The following KLC4 variants were observed in gnomAD, a reference collection of about 807,000 sequenced individuals.
KLC4 encodes the protein kinesin light chain 4.
A neutral mutation model predicts 77.2 loss-of-function variants in KLC4; 49 were observed. That is an observed-to-expected ratio of 0.63 (90% CI 0.50 to 0.80). The LOEUF is 0.80. KLC4 is among the 30% of genes least tolerant of loss of function. The probability of loss-of-function intolerance (pLI) is 0.00; values close to 1 mark genes in which losing one functional copy is unlikely to be tolerated. For synonymous variants in KLC4, 274 were observed against 314.5 expected (o/e 0.87, Z 1.36); for missense variants, 669 against 793.5 (o/e 0.84, Z 1.89).
Position 43,071,511 on chromosome 6 carries a change from C to G in KLC4, c.1256-56C>G, listed in dbSNP as rs918901258. 6 of 1,593,218 alleles carry G rather than the reference C, an allele frequency of 3.8e-6. No individual in the cohort carries two copies. In the East Asian group the frequency reaches 1.1e-4, roughly 30 times the overall value. On this transcript the variant is annotated intron_variant, in intron 9 of 15. Coordinates refer to ENST00000347162, the MANE Select transcript of KLC4 (RefSeq NM_201521.3). ...GCCTGTCAGCCTCTGGGTCCTGGCT[C>G]TCCGACACTGTCTAGCTCCCATCTC...
In KLC4 at chr6:43,063,140, A is replaced by T. The variant is rs1321197252; in HGVS notation, c.482A>T (p.His161Leu). ...CTGCGGCAGTATGATGAGGATGGAC[A>T]TACCTCGGTGAGTGTGCACAGGCGA... The part of the protein sequence containing the change: ...GQLRQYDEDG[H>L]TSEEKEGDAT... Residue 161 changes from histidine (H) to leucine (L), a missense_variant, in exon 3 of 16, where the codon CAT becomes CTT. By Grantham distance (99) the His-to-Leu change is moderately conservative (BLOSUM62 -3). Transcript: ENST00000347162. The T allele has an allele frequency of 5.0e-6, 8 of 1,612,080 alleles. No homozygotes were observed. Among genetic ancestry groups the T allele is most frequent in the Admixed American group, 1.7e-5 (1 of 59,970 alleles).
At chr6:43,074,017 A>G in intron 15 of KLC4, 52 bp downstream of exon 15, 1 of 1,421,364 alleles carries the variant, frequency 7.0e-7, no homozygotes, top group Non-Finnish European at 9.7e-7. Flanking sequence ...AAGGACAGCC[A>G]GTGAGCAAGC....
At chr6:43,070,930 G>GGGGGCAGGGGGGGGGGGGGGGGGGA (rs1765691382) in intron 8 of KLC4, 65 bp downstream of exon 8, 1 of 470,940 alleles carries the variant, frequency 2.1e-6, no homozygotes, top group African/African-American at 2.2e-5. Context: ...GGGGGGAGGG[G>GGGGGCAGGGGGGGGGGGGGGGGGGA]GGGCAGGCGG....
At chr6:43,070,112 GAA>G (rs1296761991) in intron 6 of KLC4, among the ~76,000 whole-genome samples, 1 of 94,918 alleles carries the variant, frequency 1.1e-5, no homozygotes, top group Non-Finnish European at 1.8e-5. Context: ...AAAAAAAAAA[GAA>G]AGAAAAAAAA....
intron 13 of KLC4, 64 bp from the exon 14 acceptor site, chr6:43,073,159 G>T: frequency 7.0e-7 from 1 of 1,430,160 alleles, no homozygotes; most frequent in Non-Finnish European, 9.8e-7. Flanking sequence ...AATGCTAGGA[G>T]TAGACTCAGA....
intron 5 of KLC4, 63 bp from the exon 6 acceptor site, chr6:43,066,933 G>C (rs1765462080): frequency 6.4e-7 from 1 of 1,571,444 alleles, no homozygotes. Context: ...CTTCCAAAGG[G>C]AAGGAGGGAA....
rs1299292559 is a variant in KLC4 at position 43,073,300 on chromosome 6, G to T, written c.1707G>T (p.Leu569Phe). Reference protein sequence around the residue: ...RDVLRRSSELLVRKLQGTEPR... With the variant: ...RDVLRRSSELFVRKLQGTEPR... ...TGCTCCGCAGAAGCAGTGAACTCTT[G>T]GTGAGGAAGCTCCAGGGGACTGAGC... Residue 569 changes from leucine (L) to phenylalanine (F), a missense_variant, in exon 14 of 16, where the codon TTG (leucine) becomes TTT (phenylalanine). By Grantham distance (22) the Leu-to-Phe change is conservative. Transcript: ENST00000347162. 48 of 1,614,038 alleles carry T rather than the reference G, an allele frequency of 3.0e-5. No homozygotes were observed. The highest frequency in any genetic ancestry group is 4.0e-5 in the Non-Finnish European group (47 of 1,179,986).
At chr6:43,062,687 T>C (rs556203278) in intron 2 of KLC4, 1 of 566,682 alleles carries the variant, frequency 1.8e-6, no homozygotes, top group Admixed American at 3.1e-5. Flanking sequence ...GAGGAAGTTA[T>C]TGTAATAATT....
At chr6:43,062,072 T>C (rs1765192341) in intron 2 of KLC4, among the ~76,000 whole-genome samples, 1 of 152,156 alleles carries the variant, frequency 6.6e-6, no homozygotes. Flanking sequence ...GAGCAGCAAG[T>C]GCAGAGGCTC....
chr6:43,062,595 A>G (rs763138295), intron 2 of KLC4: 8 of 357,798 alleles, frequency 2.2e-5, no homozygotes, highest in Non-Finnish European at 4.2e-5. Context: ...TTAGAAGAGG[A>G]GTGATGTGGT....
At chr6:43,070,547 T>C (rs1259906999) in intron 7 of KLC4, 92 bp downstream of exon 7, 31 of 1,377,290 alleles carry the variant, frequency 2.3e-5, no homozygotes, top group Non-Finnish European at 2.8e-5. Context: ...ACTTTTTTTT[T>C]CTCACCCCCA....
At position 43,073,125 on chromosome 6, in the gene KLC4, G is replaced by T. The variant is rs878974328; in HGVS notation, c.1630-98G>T. 1.1e-5 allele frequency: 15 copies of T among 1,316,000 alleles called. No individual in the cohort carries two copies. In the South Asian group the frequency reaches 1.2e-4, roughly 10 times the overall value. The allele number at this position is 1,316,000 out of a possible 1,614,324, so 81.5% of individuals were successfully genotyped here. A position where few individuals can be genotyped will look rare whatever the true frequency, so the allele number is the denominator to read the frequency against. On this transcript the variant is annotated intron_variant, in intron 13 of 15. Coordinates refer to ENST00000347162, the MANE Select transcript of KLC4 (RefSeq NM_201521.3). ...TTTTATTTCCAGTCACTGGGCCTTG[G>T]GGGTGGGGGATGTGTGCAGAATAAA...
chr6:43,074,063 C>T (rs1310195846), intron 15 of KLC4, 98 bp downstream of exon 15: 2 of 915,188 alleles, frequency 2.2e-6, no homozygotes, highest in Admixed American at 4.9e-5. Context: ...GGAGAGGAGT[C>T]ATCTGGGATG....
Position 43,070,875 on chromosome 6 carries a change from G to A in KLC4, c.1155+10G>A. On this transcript the variant is annotated intron_variant, in intron 8 of 15. Transcript: ENST00000347162. ...GACCAAGAACAACCTGGTATGGGAG[G>A]AGGGACAAAGTAGGTGGAAGAAACG... 1 of 1,354,356 alleles carries A rather than the reference G, an allele frequency of 7.4e-7. No individual in the cohort carries two copies. The highest frequency in any genetic ancestry group is 9.8e-7 in the Non-Finnish European group (1 of 1,016,036). The allele number at this position is 1,354,356 out of a possible 1,614,324, so 83.9% of individuals were successfully genotyped here.
chr6:43,065,166 C>T (rs1242829779), intron 3 of KLC4, among the ~76,000 whole-genome samples: 4 of 152,056 alleles, frequency 2.6e-5, no homozygotes, highest in Non-Finnish European at 5.9e-5. Context: ...CCTCTGCCTC[C>T]CAGGTTCAAG....
rs532713463 is a variant in KLC4 at position 43,064,387 on chromosome 6, G to C, written c.490-1233G>C. Among the ~76,000 whole-genome samples the C allele has an allele frequency of 3.3e-5, 5 of 152,334 alleles. No individual in the cohort carries two copies. In the South Asian group the frequency reaches 6.2e-4, roughly 19 times the overall value. ...AAAAATTAAAAAATTAGCCTGATGT[G>C]GTCGTGTGCACCTATAGCCTCAGCT... On this transcript the variant is annotated intron_variant, in intron 3 of 15. Coordinates refer to ENST00000347162, the MANE Select transcript of KLC4 (RefSeq NM_201521.3).
intron 13 of KLC4, 113 bp downstream of exon 13, chr6:43,073,077 T>C: frequency 7.1e-7 from 1 of 1,418,402 alleles, no homozygotes; most frequent in Non-Finnish European, 9.6e-7. Flanking sequence ...GGGGTATCTC[T>C]GGGAGCCAGT....
At chr6:43,067,127 A>AC in intron 6 of KLC4, 44 bp downstream of exon 6, 2 of 904,928 alleles carry the variant, frequency 2.2e-6, no homozygotes, top group Non-Finnish European at 3.3e-6. Flanking sequence ...CGCACCCCCC[A>AC]CCATTGCTGT....
chr6:43,073,785 GGA>G (rs1765844936), intron 14 of KLC4, 115 bp from the exon 15 acceptor site: 3 of 845,420 alleles, frequency 3.5e-6, no homozygotes, highest in Non-Finnish European at 6.0e-6. Flanking sequence ...GGCCAGCCAT[GGA>G]GAGAGAGTTT....
Sources: gnomAD v4.1 joint callset for allele counts (sites outside exome capture counted in the v4.1 genomes callset) on GRCh38, gnomAD v4.1.1 for gene constraint, MANE v1.5 for transcripts, NCBI Gene and HGNC (gene_info 2026-07-23, HGNC 2026-07-21) for gene names.